DISC1: variants seen among roughly 807,000 people sequenced by gnomAD.
DISC1 encodes the protein disrupted in schizophrenia 1 protein.
DISC1 carries 57 observed loss-of-function variants against 84.5 expected under a neutral mutation model. The observed-to-expected ratio is 0.67, with a 90% CI of 0.55 to 0.84. The LOEUF (loss-of-function observed/expected upper bound fraction) is 0.84. Ranked by LOEUF, DISC1 falls within the 40% of genes least tolerant of loss-of-function variation. The pLI, the probability that DISC1 is intolerant of heterozygous loss-of-function variation, is 0.00. For missense variants in DISC1, 1,000 were observed against 1,057.8 expected (o/e 0.95, Z 0.76); for synonymous variants, 411 against 415.2 (o/e 0.99, Z 0.12).
chr1:231,992,355 T>A (rs1185205919), intron 10 of DISC1, among the ~76,000 whole-genome samples: 1 of 152,204 alleles, frequency 6.6e-6, no homozygotes, highest in Non-Finnish European at 1.5e-5. Context: ...TCTTTTGGGA[T>A]ATTTGCTTTT....
intron 10 of DISC1, among the ~76,000 whole-genome samples, chr1:231,971,562 C>T (rs1390725202): frequency 1.3e-5 from 2 of 152,180 alleles, no homozygotes; most frequent in East Asian, 3.8e-4. Context: ...CCTTCCTCTC[C>T]AGCCACCCTG....
At chr1:232,010,939 A>G (rs2103003454) in intron 11 of DISC1, among the ~76,000 whole-genome samples, 1 of 152,298 alleles carries the variant, frequency 6.6e-6, no homozygotes, top group Middle Eastern at 3.4e-3. Context: ...ATAATTATTT[A>G]TGGCCTGCTT....
intron 9 of DISC1, among the ~76,000 whole-genome samples, chr1:231,936,903 A>G (rs1319319208): frequency 6.6e-6 from 1 of 152,230 alleles, no homozygotes; most frequent in Non-Finnish European, 1.5e-5. Context: ...TACCTGTACA[A>G]TCAAAAACTG....
chr1:231,823,048 A>G (rs1292157603), intron 9 of DISC1, among the ~76,000 whole-genome samples: 1 of 152,214 alleles, frequency 6.6e-6, no homozygotes, highest in African/African-American at 2.4e-5. Flanking sequence ...AAAGAAAAGA[A>G]ACTATAGCAG....
Position 232,038,019 on chromosome 1 carries a change from C to T in DISC1, c.*1188C>T, listed in dbSNP as rs1383522396. The T allele has an allele frequency of 6.6e-6, 1 of 152,102 alleles. No homozygotes were observed. Among genetic ancestry groups the T allele is most frequent in the African/African-American group, 2.4e-5 (1 of 41,392 alleles). The allele number at this position is 152,102 out of a possible 1,614,324, so 9.4% of individuals were successfully genotyped here. ...TAACACAGTGCAGTACTCAGTAATA[C>T]AGTACAGTACTCAGTAAGGCAGTAT... On this transcript the variant is annotated 3_prime_UTR_variant, in exon 13 of 13. Coordinates refer to ENST00000439617, the MANE Select transcript of DISC1 (RefSeq NM_018662.3).
chr1:231,969,118 T>C (rs1661534351), intron 10 of DISC1, among the ~76,000 whole-genome samples: 1 of 151,592 alleles, frequency 6.6e-6, no homozygotes, highest in South Asian at 2.1e-4. Flanking sequence ...AGCAGAGAGA[T>C]GTTTGCTTGT....
intron 12 of DISC1, 96 bp from the exon 13 acceptor site, chr1:232,036,596 C>T (rs1178022635): frequency 8.3e-7 from 1 of 1,202,970 alleles, no homozygotes; most frequent in African/African-American, 1.5e-5. Context: ...GTGTCAGTAC[C>T]CATCTGCTTC....
At chr1:231,837,978 A>G (rs964779860) in intron 9 of DISC1, among the ~76,000 whole-genome samples, 5 of 152,128 alleles carry the variant, frequency 3.3e-5, no homozygotes, top group Non-Finnish European at 7.4e-5. Context: ...TTTTTCTCTA[A>G]GACAGGCTAA....
chr1:231,659,089 A>T (rs992046789), intron 1 of DISC1, among the ~76,000 whole-genome samples: 1 of 152,128 alleles, frequency 6.6e-6, no homozygotes, highest in African/African-American at 2.4e-5. Flanking sequence ...GGTAGAATTC[A>T]GCTGTGAATC....
intron 4 of DISC1, among the ~76,000 whole-genome samples, chr1:231,756,516 CGA>C (rs60818301): frequency 0.051 from 6,798 of 133,276 alleles, 224 homozygotes; most frequent in African/African-American, 0.073. Flanking sequence ...ATGTGAATAT[CGA>C]GAGAGAGAGA....
At chr1:231,691,779 A>G (rs1572911665) in intron 1 of DISC1, among the ~76,000 whole-genome samples, 1 of 152,184 alleles carries the variant, frequency 6.6e-6, no homozygotes, top group East Asian at 1.9e-4. Context: ...GGGTATGAGT[A>G]GTGCGTGTGC....
chr1:231,695,435 T>A (rs2065536038), intron 2 of DISC1, among the ~76,000 whole-genome samples: 4 of 152,220 alleles, frequency 2.6e-5, no homozygotes, highest in Admixed American at 2.6e-4. Flanking sequence ...GATGATGCTG[T>A]CCATCCAGTT....
chr1:231,836,185 T>C (rs1409195288), intron 9 of DISC1, among the ~76,000 whole-genome samples: 2 of 152,248 alleles, frequency 1.3e-5, no homozygotes, highest in Admixed American at 1.3e-4. Context: ...TTTGGCTGTT[T>C]TTTTCTTTAT....
intron 1 of DISC1, among the ~76,000 whole-genome samples, chr1:231,674,956 G>A (rs921931543): frequency 6.6e-6 from 1 of 152,138 alleles, no homozygotes; most frequent in African/African-American, 2.4e-5. Flanking sequence ...TTGGAGGCTG[G>A]GAAGGATTTT....
intron 1 of DISC1, among the ~76,000 whole-genome samples, chr1:231,683,547 T>C (rs2063907874): frequency 6.7e-6 from 1 of 149,954 alleles, no homozygotes; most frequent in South Asian, 2.1e-4. Flanking sequence ...TGGGCACATC[T>C]AGGATGCATG....
chr1:232,014,719 A>G (rs368257575), intron 11 of DISC1, among the ~76,000 whole-genome samples: 9 of 152,072 alleles, frequency 5.9e-5, no homozygotes, highest in African/African-American at 2.2e-4. Context: ...CGTTGTGTAA[A>G]CCTCACCTAT....
At chr1:231,712,945 T>C (rs1410925341) in intron 3 of DISC1, among the ~76,000 whole-genome samples, 2 of 152,174 alleles carry the variant, frequency 1.3e-5, no homozygotes, top group African/African-American at 2.4e-5. Context: ...CAGGAAAATG[T>C]AGAAATCCAT....
intron 9 of DISC1, among the ~76,000 whole-genome samples, chr1:231,926,182 G>C (rs2090349393): frequency 6.6e-6 from 1 of 152,078 alleles, no homozygotes; most frequent in Admixed American, 6.6e-5. Flanking sequence ...AAATGAACTT[G>C]GTGAAAAAGT....
intron 9 of DISC1, among the ~76,000 whole-genome samples, chr1:231,902,117 A>G (rs1472881779): frequency 6.6e-6 from 1 of 152,156 alleles, no homozygotes; most frequent in Non-Finnish European, 1.5e-5. Context: ...TTTAACAAAA[A>G]GAAGTGAAGT....
Sources: allele counts gnomAD v4.1 joint callset (sites outside exome capture counted in the v4.1 genomes callset), GRCh38; gene constraint gnomAD v4.1.1; transcripts MANE v1.5; gene names NCBI Gene and HGNC (gene_info 2026-07-23, HGNC 2026-07-21).